ALK: variants seen among roughly 807,000 people sequenced by gnomAD.
The protein encoded by ALK is ALK receptor tyrosine kinase.
ALK carries 74 observed loss-of-function variants against 163.1 expected under a neutral mutation model. The observed-to-expected ratio is 0.45, with a 90% CI of 0.38 to 0.55. ALK has a LOEUF of 0.55. Ranked by LOEUF, ALK falls within the 20% of genes least tolerant of loss-of-function variation. The pLI is 0.00. For missense variants in ALK, 2,063 were observed against 2,105.3 expected (o/e 0.98, Z 0.39); for synonymous variants, 960 against 843.2 (o/e 1.14, Z -2.40).
chr2:29,748,629 T>C (rs1680271511), intron 1 of ALK, among the ~76,000 whole-genome samples: 1 of 152,190 alleles, frequency 6.6e-6, no homozygotes, highest in African/African-American at 2.4e-5. Flanking sequence ...GTCACCAACC[T>C]CAAAGGTTTT....
intron 3 of ALK, among the ~76,000 whole-genome samples, chr2:29,584,021 C>A (rs1009281050): frequency 6.6e-6 from 1 of 152,114 alleles, no homozygotes; most frequent in African/African-American, 2.4e-5. Flanking sequence ...TGGATCTTAG[C>A]CCTGGAGCAT....
rs1363078951 is a variant in ALK, at chr2:29,288,953, AAAAAAT to A, written c.1817+7929_1817+7934del. Among the ~76,000 whole-genome samples, 3 of 33,340 alleles carry A rather than the reference AAAAAAT, an allele frequency of 9.0e-5. 1 individual carries two copies. Among genetic ancestry groups the A allele is most frequent in the African/African-American group, 1.5e-4 (3 of 20,022 alleles). The allele number at this position is 33,340 out of a possible 152,430, so 21.9% of individuals were successfully genotyped here. On this transcript the variant is annotated intron_variant, in intron 9 of 28. Transcript: ENST00000389048. ...GGCGACAGAGGGAGACTCCTTCTCA[AAAAAAT>A]AAATAAATAAATAAATAAATAAATA...
chr2:29,219,774 C>T (rs1214741284), intron 23 of ALK, among the ~76,000 whole-genome samples: 1 of 152,218 alleles, frequency 6.6e-6, no homozygotes, highest in Non-Finnish European at 1.5e-5. Flanking sequence ...TTTAAGACTG[C>T]CCTAAACTAC....
chr2:29,249,648 G>A (rs1573159027), intron 12 of ALK, among the ~76,000 whole-genome samples: 1 of 152,154 alleles, frequency 6.6e-6, no homozygotes, highest in African/African-American at 2.4e-5. Flanking sequence ...TGGAAACATG[G>A]GAACACCAAT....
intron 1 of ALK, among the ~76,000 whole-genome samples, chr2:29,810,642 G>A (rs1394284093): frequency 6.6e-6 from 1 of 152,124 alleles, no homozygotes; most frequent in Non-Finnish European, 1.5e-5. Flanking sequence ...CTTTGTGCAA[G>A]TCACTTGAAC....
At chr2:29,421,402 C>G (rs1670012675) in intron 4 of ALK, among the ~76,000 whole-genome samples, 1 of 151,478 alleles carries the variant, frequency 6.6e-6, no homozygotes. Flanking sequence ...CTCATTCATT[C>G]CACATTTGTT....
chr2:29,281,603 T>C (rs1331156479), intron 9 of ALK, among the ~76,000 whole-genome samples: 2 of 152,208 alleles, frequency 1.3e-5, no homozygotes, highest in Admixed American at 1.3e-4. Flanking sequence ...TTGGAACTTG[T>C]TATTAAAACA....
chr2:29,444,914 G>A lies in ALK; in HGVS notation c.1155-61055C>T, dbSNP rs570016304. On this transcript the variant is annotated intron_variant, in intron 4 of 28. Transcript: ENST00000389048. Reference sequence around the variant, plus strand: ...CATACAGGCTTACCCAAATTTACAGGATTAGTCTTAGAGCATCAGTTTGGG... The same window carrying A: ...CATACAGGCTTACCCAAATTTACAGAATTAGTCTTAGAGCATCAGTTTGGG... 4.1e-3 allele frequency among the ~76,000 whole-genome samples: 619 copies of A among 152,272 alleles called. 6 individuals carry two copies. The highest frequency in any genetic ancestry group is 0.01 in the Middle Eastern group (3 of 294).
intron 1 of ALK, among the ~76,000 whole-genome samples, chr2:29,825,851 T>A (rs148876903): frequency 4.6e-5 from 7 of 152,126 alleles, no homozygotes; most frequent in African/African-American, 1.7e-4. Flanking sequence ...AGATGAAGCA[T>A]CTGAGAAATA....
At chr2:29,215,082 G>T (rs768468228) in intron 23 of ALK, among the ~76,000 whole-genome samples, 1 of 152,196 alleles carries the variant, frequency 6.6e-6, no homozygotes, top group Admixed American at 6.5e-5. Flanking sequence ...CTTTAGGGCC[G>T]CCCCAAGAAA....
intron 6 of ALK, among the ~76,000 whole-genome samples, chr2:29,322,599 T>C (rs1321857100): frequency 6.6e-6 from 1 of 152,184 alleles, no homozygotes; most frequent in Non-Finnish European, 1.5e-5. Flanking sequence ...TTTGGGAGGC[T>C]GAGGCAGGCA....
At position 29,197,563 on chromosome 2, in the gene ALK, G is replaced by T. The variant is rs1669054292; in HGVS notation, c.4052C>A (p.Pro1351His). 3 of 1,613,644 alleles carry T rather than the reference G, an allele frequency of 1.9e-6. No homozygotes were observed. Among genetic ancestry groups the T allele is most frequent in the Non-Finnish European group, 2.5e-6 (3 of 1,180,020 alleles). The change falls in exon 27 of 29, where the codon CCC becomes CAC. Residue 1351 changes from proline to histidine, a missense_variant. This residue lies in a region of ALK where 403 missense variants were observed against 366.2 expected (regional missense o/e 1.10). Coordinates refer to ENST00000389048, the MANE Select transcript of ALK (RefSeq NM_004304.5). The part of the protein sequence containing the change: ...FVTSGGRMDP[P>H]KNCPGPVYRI... The stretch of plus-strand genomic sequence containing the variant: ...ATACACAGGCCCAGGGCAGTTCTTG[G>T]GTGGGTCCATCCGGCCTCCACTGGT...
chr2:29,248,579 G>T (rs1364629059), intron 12 of ALK, among the ~76,000 whole-genome samples: 2 of 152,170 alleles, frequency 1.3e-5, no homozygotes. Context: ...TGGACACTTC[G>T]AAATGTCCTG....
intron 1 of ALK, among the ~76,000 whole-genome samples, chr2:29,805,164 C>T (rs1664574707): frequency 6.6e-6 from 1 of 152,192 alleles, no homozygotes; most frequent in Admixed American, 6.5e-5. Context: ...AGTCATAGTG[C>T]CCACCTCGCC....
intron 4 of ALK, among the ~76,000 whole-genome samples, chr2:29,442,626 AG>A (rs1304467790): frequency 6.6e-6 from 1 of 152,138 alleles, no homozygotes; most frequent in Non-Finnish European, 1.5e-5. Flanking sequence ...CACGTTTTCC[AG>A]GCCTGGTTGG....
rs1667985083 is a variant in ALK, at chr2:29,920,964, C to T, written c.-305G>A. Reference sequence around the variant, plus strand: ...CCGAGTGCCGCGCCCCCGTCTGTAGCTCGCTGCGCTCGGTACAGAGGAACT... The same window carrying T: ...CCGAGTGCCGCGCCCCCGTCTGTAGTTCGCTGCGCTCGGTACAGAGGAACT... On this transcript the variant is annotated 5_prime_UTR_variant, in exon 1 of 29. Transcript: ENST00000389048. 2 of 480,264 alleles carry T rather than the reference C, an allele frequency of 4.2e-6. No homozygotes were observed. The highest frequency in any genetic ancestry group is 5.3e-5 in the South Asian group (2 of 37,856). 29.8% of individuals were successfully genotyped at this position (480,264 alleles called of 1,614,324 possible).
intron 3 of ALK, among the ~76,000 whole-genome samples, chr2:29,548,679 C>A (rs939886831): frequency 3.9e-5 from 6 of 152,080 alleles, no homozygotes; most frequent in Non-Finnish European, 8.8e-5. Flanking sequence ...GGCCGGGGCT[C>A]ACTAGTACCT....
In ALK at chr2:29,246,934, C is replaced by T. The variant is rs1039906563; in HGVS notation, c.2204+4171G>A. Among the ~76,000 whole-genome samples, 4 of 152,226 alleles carry T rather than the reference C, an allele frequency of 2.6e-5. No individual in the cohort carries two copies. The highest frequency in any genetic ancestry group is 5.9e-5 in the Non-Finnish European group (4 of 68,040). ...GCCCCAGGACCTGGCCCTGCTGCCT[C>T]CAGCCTCGGCTCCCCGAGGCCAGCC... On this transcript the variant is annotated intron_variant, in intron 12 of 28. Coordinates refer to ENST00000389048, the MANE Select transcript of ALK (RefSeq NM_004304.5). This position sits in a 1 kb window ranked among gnomAD's most constrained non-coding sequence, Gnocchi z 4.3.
At chr2:29,504,856 G>GA (rs1308646269) in intron 4 of ALK, among the ~76,000 whole-genome samples, 1 of 152,136 alleles carries the variant, frequency 6.6e-6, no homozygotes, top group Non-Finnish European at 1.5e-5. Context: ...CTTCCAACGG[G>GA]AAAAACCACA....
Sources: gnomAD v4.1 joint callset for allele counts (sites outside exome capture counted in the v4.1 genomes callset) on GRCh38, gnomAD v4.1.1 for gene constraint, gnomAD v4.1.1 regional missense constraint, Gnocchi (gnomAD v3.1) non-coding constraint, MANE v1.5 for transcripts, NCBI Gene and HGNC (gene_info 2026-07-23, HGNC 2026-07-21) for gene names.